ZNF521: variants seen among roughly 807,000 people sequenced by gnomAD.
The protein encoded by ZNF521 is zinc finger protein 521.
Under a neutral mutation model 105.5 loss-of-function variants are expected in ZNF521, and 14 were observed. The observed-to-expected ratio is 0.13, with a 90% CI of 0.09 to 0.21. The LOEUF (loss-of-function observed/expected upper bound fraction) is 0.21, where lower values mean the gene tolerates loss of function less well. ZNF521 is among the 10% of genes least tolerant of loss of function. The pLI, the probability that ZNF521 is intolerant of heterozygous loss-of-function variation, is 1.00. For missense variants in ZNF521, 1,233 were observed against 1,629.7 expected (o/e 0.76, Z 4.19); for synonymous variants, 635 against 606.0 (o/e 1.05, Z -0.70).
At chr18:25,193,863 G>A (rs2035858831) in intron 5 of ZNF521, among the ~76,000 whole-genome samples, 3 of 151,802 alleles carry the variant, frequency 2.0e-5, no homozygotes, top group African/African-American at 7.3e-5. Context: ...TAGCTGTTAT[G>A]TATAAGTTCC....
chr18:25,154,026 T>A (rs1173855610), intron 5 of ZNF521, among the ~76,000 whole-genome samples: 2 of 152,172 alleles, frequency 1.3e-5, no homozygotes, highest in Admixed American at 6.5e-5. Context: ...CGAGGAAGTG[T>A]CAAGTTCTGT....
At chr18:25,218,683 C>CA (rs111983593) in intron 4 of ZNF521, among the ~76,000 whole-genome samples, 10,871 of 104,944 alleles carry the variant, frequency 0.1, 1,376 homozygotes, top group African/African-American at 0.32. Context: ...CTAAAAATTA[C>CA]AAAAAAAAAA....
chr18:25,108,574 T>C (rs1163465384), intron 5 of ZNF521, among the ~76,000 whole-genome samples: 1 of 152,126 alleles, frequency 6.6e-6, no homozygotes, highest in Non-Finnish European at 1.5e-5. Flanking sequence ...ATGAAAAAAA[T>C]AAGCAGGGGG....
chr18:25,133,248 G>A (rs954557055), intron 5 of ZNF521, among the ~76,000 whole-genome samples: 4 of 152,108 alleles, frequency 2.6e-5, no homozygotes, highest in African/African-American at 7.2e-5. Flanking sequence ...GCCTAATATA[G>A]ATTCTACGTG....
At chr18:25,160,795 T>C (rs139373693) in intron 5 of ZNF521, among the ~76,000 whole-genome samples, 1 of 151,816 alleles carries the variant, frequency 6.6e-6, no homozygotes, top group South Asian at 2.1e-4. Context: ...TTTGGGGAGG[T>C]TGACAATTTT....
At chr18:25,087,488 C>G (rs2033649196) in intron 7 of ZNF521, among the ~76,000 whole-genome samples, 1 of 152,098 alleles carries the variant, frequency 6.6e-6, no homozygotes, top group African/African-American at 2.4e-5. Flanking sequence ...TTTTTGTTTT[C>G]AAGAACACTA....
chr18:25,219,575 A>G (rs142927135), intron 4 of ZNF521, among the ~76,000 whole-genome samples: 168 of 152,152 alleles, frequency 1.1e-3, no homozygotes, highest in Admixed American at 3.6e-3. Flanking sequence ...TGTAATCCCA[A>G]CACTTTGGGA....
At chr18:25,154,168 T>C (rs2035100573) in intron 5 of ZNF521, among the ~76,000 whole-genome samples, 2 of 152,162 alleles carry the variant, frequency 1.3e-5, no homozygotes, top group African/African-American at 4.8e-5. Context: ...TTCAAGCTAT[T>C]TGGGGAAAAA....
At chr18:25,101,368 G>A (rs1008406828) in intron 5 of ZNF521, among the ~76,000 whole-genome samples, 11 of 152,168 alleles carry the variant, frequency 7.2e-5, no homozygotes, top group African/African-American at 2.4e-4. Flanking sequence ...ATATCCCAAC[G>A]GACAGCTGTA....
intron 3 of ZNF521, among the ~76,000 whole-genome samples, chr18:25,303,307 TGTGAGAGA>T (rs762866090): frequency 0.011 from 1,178 of 107,812 alleles, 6 homozygotes; most frequent in African/African-American, 0.016. Context: ...TGTGTGTGTG[TGTGAGAGA>T]GAGACGGAGT....
At chr18:25,217,761 AG>A (rs1273954639) in intron 4 of ZNF521, among the ~76,000 whole-genome samples, 6 of 152,220 alleles carry the variant, frequency 3.9e-5, no homozygotes, top group African/African-American at 1.4e-4. Flanking sequence ...TCAGAGGAAA[AG>A]ACAATGTAAT....
rs191826817 is a variant in ZNF521 at position 25,302,958 on chromosome 18, T to C, written c.220+19050A>G. The C allele has an allele frequency of 9.8e-5, 15 of 152,348 alleles. No homozygotes were observed. The East Asian group carries it at 2.7e-3, about 27-fold the overall frequency. The allele number at this position is 152,348 out of a possible 1,614,324, so 9.4% of individuals were successfully genotyped here. A position where few individuals can be genotyped will look rare whatever the true frequency, so the allele number is the denominator to read the frequency against. On this transcript the variant is annotated intron_variant, in intron 3 of 7. Transcript: ENST00000361524. Reference sequence around the variant, plus strand: ...GTAAAATATAAATATTCAAATATACTAATTGTGTGAGACACTATCAGTTGC... The same window carrying C: ...GTAAAATATAAATATTCAAATATACCAATTGTGTGAGACACTATCAGTTGC...
chr18:25,310,469 T>C (rs1912241715), intron 3 of ZNF521, among the ~76,000 whole-genome samples: 1 of 150,158 alleles, frequency 6.7e-6, no homozygotes, highest in Non-Finnish European at 1.5e-5. Context: ...ATTAAATTGA[T>C]GTGGTATTAA....
intron 3 of ZNF521, among the ~76,000 whole-genome samples, chr18:25,279,228 T>G (rs902791524): frequency 1.3e-5 from 2 of 152,196 alleles, no homozygotes; most frequent in African/African-American, 4.8e-5. Context: ...ATCAGACTTA[T>G]TATGGAATTA....
At chr18:25,302,420 C>T (rs907283884) in intron 3 of ZNF521, 2 of 152,152 alleles carry the variant, frequency 1.3e-5, no homozygotes, top group African/African-American at 4.8e-5. Flanking sequence ...TGCGACAAGC[C>T]TTGCACTAAT....
intron 4 of ZNF521, among the ~76,000 whole-genome samples, chr18:25,199,520 A>G (rs1176727078): frequency 6.6e-6 from 1 of 152,016 alleles, no homozygotes; most frequent in Non-Finnish European, 1.5e-5. Flanking sequence ...GTGGGTAAAC[A>G]TTCTTTTTGG....
chr18:25,117,177 T>C (rs914883476), intron 5 of ZNF521, among the ~76,000 whole-genome samples: 3 of 151,630 alleles, frequency 2.0e-5, no homozygotes, highest in Admixed American at 2.0e-4. Context: ...GTATACAGTA[T>C]GTGTTTCCCC....
intron 3 of ZNF521, among the ~76,000 whole-genome samples, chr18:25,281,207 C>A (rs1910360056): frequency 6.6e-6 from 1 of 152,108 alleles, no homozygotes; most frequent in African/African-American, 2.4e-5. Context: ...CATAGAAAAC[C>A]AGGACTAGAA....
At chr18:25,065,587 A>C (rs1259490177) in intron 7 of ZNF521, among the ~76,000 whole-genome samples, 2 of 152,154 alleles carry the variant, frequency 1.3e-5, no homozygotes, top group African/African-American at 4.8e-5. Flanking sequence ...TATTTACCTA[A>C]ATGATAGGAC....
Sources: gnomAD v4.1 joint callset for allele counts (sites outside exome capture counted in the v4.1 genomes callset) on GRCh38, gnomAD v4.1.1 for gene constraint, MANE v1.5 for transcripts, NCBI Gene and HGNC (gene_info 2026-07-23, HGNC 2026-07-21) for gene names.